The following VWC2L variants were observed in gnomAD, a reference collection of about 807,000 sequenced individuals.
VWC2L encodes von Willebrand factor C domain-containing protein 2-like.
VWC2L carries 10 observed loss-of-function variants against 21.6 expected under a neutral mutation model. The observed-to-expected ratio is 0.46, with a 90% CI of 0.29 to 0.78. The LOEUF is 0.78. VWC2L is among the 30% of genes least tolerant of loss of function. The pLI is 0.10. For missense variants in VWC2L, 209 were observed against 277.1 expected (o/e 0.75, Z 1.74); for synonymous variants, 96 against 94.3 (o/e 1.02, Z -0.10).
At chr2:214,552,273 G>T (rs1047699393) in intron 3 of VWC2L, among the ~76,000 whole-genome samples, 6 of 152,208 alleles carry the variant, frequency 3.9e-5, no homozygotes, top group Admixed American at 2.6e-4. Context: ...GGCCTTAGAA[G>T]TTGACTGAAT....
At chr2:214,437,024 A>G (rs1315133816) in intron 3 of VWC2L, among the ~76,000 whole-genome samples, 3 of 152,106 alleles carry the variant, frequency 2.0e-5, no homozygotes, top group African/African-American at 7.2e-5. Context: ...TAAAAGGAGT[A>G]TATTGGAAAG....
intron 3 of VWC2L, among the ~76,000 whole-genome samples, chr2:214,445,192 G>T (rs986330790): frequency 2.0e-5 from 3 of 151,772 alleles, no homozygotes; most frequent in Non-Finnish European, 2.9e-5. Context: ...TCTCTGAAGG[G>T]TAGTAAAAAT....
intron 3 of VWC2L, among the ~76,000 whole-genome samples, chr2:214,558,090 C>A (rs1022282559): frequency 6.6e-6 from 1 of 152,200 alleles, no homozygotes; most frequent in Non-Finnish European, 1.5e-5. Flanking sequence ...CTTATCTCCA[C>A]GCCCATCTCA....
intron 3 of VWC2L, among the ~76,000 whole-genome samples, chr2:214,507,781 A>G (rs1265063486): frequency 2.0e-5 from 3 of 152,190 alleles, no homozygotes; most frequent in African/African-American, 7.2e-5. Flanking sequence ...CATGAGCCTC[A>G]AGCAGGCTCT....
chr2:214,458,046 C>A (rs965741044), intron 3 of VWC2L, among the ~76,000 whole-genome samples: 1 of 151,794 alleles, frequency 6.6e-6, no homozygotes, highest in Non-Finnish European at 1.5e-5. Flanking sequence ...ATAGGTTTTT[C>A]TTCTAATGTG....
At chr2:214,451,310 G>GT (rs1014283177) in intron 3 of VWC2L, among the ~76,000 whole-genome samples, 6 of 80,218 alleles carry the variant, frequency 7.5e-5, no homozygotes, top group Non-Finnish European at 1.1e-4. Context: ...GGTCGGTGTG[G>GT]GGGGGGGGGG....
At chr2:214,439,563 A>C (rs1702733025) in intron 3 of VWC2L, among the ~76,000 whole-genome samples, 1 of 151,924 alleles carries the variant, frequency 6.6e-6, no homozygotes, top group African/African-American at 2.4e-5. Context: ...CGGGCAAGTA[A>C]TTTTCAGTTT....
Position 214,461,698 on chromosome 2 carries a change from C to T in VWC2L, c.520+24940C>T, listed in dbSNP as rs143019207. 2.5e-3 allele frequency among the ~76,000 whole-genome samples: 383 copies of T among 152,254 alleles called. 3 individuals carry two copies. In the Middle Eastern group the frequency reaches 0.031, roughly 12 times the overall value. On this transcript the variant is annotated intron_variant, in intron 3 of 3. Transcript: ENST00000312504. ...AGGCTGGTAACTCTGTCCTCAAGCTCCCTAGTGGTACACACAGGAGCAGGT... is the reference window on the plus strand; with the variant it reads ...AGGCTGGTAACTCTGTCCTCAAGCTTCCTAGTGGTACACACAGGAGCAGGT...
At chr2:214,447,134 T>A (rs1165464304) in intron 3 of VWC2L, among the ~76,000 whole-genome samples, 1 of 152,086 alleles carries the variant, frequency 6.6e-6, no homozygotes, top group Non-Finnish European at 1.5e-5. Context: ...AGTTTCAGAA[T>A]TAAATGGGGT....
At position 214,578,056 on chromosome 2, in the gene VWC2L, CAG is replaced by C. The variant is rs2105937611; in HGVS notation, c.*2240_*2241del. The C allele has an allele frequency of 1.3e-5, 2 of 152,194 alleles. No homozygotes were observed. The highest frequency in any genetic ancestry group is 4.1e-4 in the South Asian group (2 of 4,822). The allele number at this position is 152,194 out of a possible 1,614,324, so 9.4% of individuals were successfully genotyped here. The stretch of plus-strand genomic sequence containing the variant: ...TTCCACACTTTAGCTTATGTCTAGA[CAG>C]AGATGTATTATAGAGCTTTCTTTGC... On this transcript the variant is annotated 3_prime_UTR_variant, in exon 4 of 4. Coordinates refer to ENST00000312504, the MANE Select transcript of VWC2L (RefSeq NM_001080500.4).
intron 3 of VWC2L, among the ~76,000 whole-genome samples, chr2:214,533,549 G>GAAA (rs35750110): frequency 1.8e-4 from 26 of 141,712 alleles, no homozygotes; most frequent in Middle Eastern, 3.7e-3. Flanking sequence ...AGGGGAAAAA[G>GAAA]AAAAAAAAAA....
intron 3 of VWC2L, among the ~76,000 whole-genome samples, chr2:214,562,257 T>A (rs1689987235): frequency 1.3e-5 from 2 of 152,266 alleles, no homozygotes; most frequent in South Asian, 4.2e-4. Context: ...GGTTTTCTGT[T>A]CCCGTGTTAG....
intron 3 of VWC2L, among the ~76,000 whole-genome samples, chr2:214,571,805 G>A (rs769908960): frequency 2.0e-5 from 3 of 151,116 alleles, no homozygotes; most frequent in East Asian, 1.9e-4. Flanking sequence ...TCTCTCTCTC[G>A]ATTCAGGGGC....
At chr2:214,434,050 C>T (rs552102516) in intron 2 of VWC2L, among the ~76,000 whole-genome samples, 5 of 152,194 alleles carry the variant, frequency 3.3e-5, no homozygotes, top group South Asian at 2.1e-4. Context: ...AAAGGGATGG[C>T]GTACAGTACA....
chr2:214,440,159 C>T (rs1402445864), intron 3 of VWC2L, among the ~76,000 whole-genome samples: 4 of 151,750 alleles, frequency 2.6e-5, no homozygotes, highest in East Asian at 3.9e-4. Context: ...AACAGTCTAT[C>T]GATTTAGCCT....
chr2:214,496,641 G>A (rs922911264), intron 3 of VWC2L, among the ~76,000 whole-genome samples: 1 of 152,174 alleles, frequency 6.6e-6, no homozygotes, highest in South Asian at 2.1e-4. Flanking sequence ...CCCAAAGGAA[G>A]CACAGATTGA....
rs1257242444 is a variant in VWC2L at position 214,414,691 on chromosome 2, T to G, written c.390+108T>G. On this transcript the variant is annotated intron_variant, in intron 2 of 3. Coordinates refer to ENST00000312504, the MANE Select transcript of VWC2L (RefSeq NM_001080500.4). ...GGAAAAATGTACTTTAAAATTTCCC[T>G]TTAAATTATACAATTTGATTCTAAT... 5 of 1,244,810 alleles carry G rather than the reference T, an allele frequency of 4.0e-6. No homozygotes were observed. The Admixed American group carries it at 1.1e-4, about 28-fold the overall frequency. 77.1% of individuals were successfully genotyped at this position (1,244,810 alleles called of 1,614,324 possible).
At chr2:214,480,864 CAAA>C (rs59720596) in intron 3 of VWC2L, among the ~76,000 whole-genome samples, 14 of 71,750 alleles carry the variant, frequency 2.0e-4, no homozygotes, top group African/African-American at 6.5e-4. Flanking sequence ...TATGCCAAGC[CAAA>C]AAAAAAAAAA....
At chr2:214,493,726 A>C (rs1688775098) in intron 3 of VWC2L, among the ~76,000 whole-genome samples, 1 of 152,184 alleles carries the variant, frequency 6.6e-6, no homozygotes, top group Admixed American at 6.6e-5. Flanking sequence ...TCAGGTCTCT[A>C]TCAACTGTCC....
Sources: allele counts gnomAD v4.1 joint callset (sites outside exome capture counted in the v4.1 genomes callset), GRCh38; gene constraint gnomAD v4.1.1; transcripts MANE v1.5; gene names NCBI Gene and HGNC (gene_info 2026-07-23, HGNC 2026-07-21).